Variants in METTL25B observed in about 807,000 individuals in gnomAD.
The protein encoded by METTL25B is methyltransferase-like protein 25B.
A neutral mutation model predicts 48.4 loss-of-function variants in METTL25B; 38 were observed. That is an observed-to-expected ratio of 0.78 (90% confidence interval 0.61 to 1.03). The LOEUF is 1.03. METTL25B is among the 50% of genes least tolerant of loss of function. The probability of loss-of-function intolerance (pLI) is 0.00; values close to 1 mark genes in which losing one functional copy is unlikely to be tolerated. For missense variants in METTL25B, 537 were observed against 603.7 expected, an observed-to-expected ratio of 0.89 and a Z score of 1.16; for synonymous variants, 230 against 254.5, an observed-to-expected ratio of 0.90 and a Z score of 0.92.
chr1:156,735,245 C>T (rs1299313370), intron 6 of METTL25B, among the ~76,000 whole-genome samples: 2 of 150,902 alleles, frequency 1.3e-5, no homozygotes, highest in Non-Finnish European at 2.9e-5. Flanking sequence ...ACTGAGATCG[C>T]GCCACTGTAC....
chr1:156,735,973 C>A, intron 7 of METTL25B, 64 bp downstream of exon 7: 1 of 1,407,826 alleles, frequency 7.1e-7, no homozygotes, highest in Non-Finnish European at 9.8e-7. Flanking sequence ...GCTCCTTCTC[C>A]AAGTCCCAGC....
rs1648958047 is a variant in METTL25B, at chr1:156,728,823, G to A, written c.-282G>A. 3 of 888,250 alleles carry A rather than the reference G, an allele frequency of 3.4e-6. No homozygotes were observed. Among genetic ancestry groups the A allele is most frequent in the Non-Finnish European group, 4.4e-6 (3 of 686,162 alleles). The allele number at this position is 888,250 out of a possible 1,614,324, so 55.0% of individuals were successfully genotyped here. On this transcript the variant is annotated 5_prime_UTR_variant, in exon 1 of 8. Coordinates refer to ENST00000368216, the MANE Select transcript of METTL25B (RefSeq NM_015997.4). ...GCCTCGTTGTGAGCTGAGCTCAGCG[G>A]CACGCTTTTGTGGCGTCACTGCACT...
chr1:156,729,652 C>T (rs1649081533), intron 1 of METTL25B: 1 of 160,872 alleles, frequency 6.2e-6, no homozygotes, highest in Non-Finnish European at 1.4e-5. Flanking sequence ...ACACGTTATT[C>T]ATCCAAGCTT....
rs1486055537 is a variant in METTL25B at position 156,734,494 on chromosome 1, G to A, written c.1121+1G>A. ...GGGTCCACGAGCTCAAGATTGAAGA[G>A]TGAGGTTGGGGGACGGGTGGGGGGC... On this transcript the variant is annotated splice_donor_variant, in intron 6 of 7. Coordinates refer to ENST00000368216, the MANE Select transcript of METTL25B (RefSeq NM_015997.4). LOFTEE classifies it high-confidence loss of function. 8.3e-6 allele frequency: 13 copies of A among 1,573,798 alleles called. No homozygotes were observed. Among genetic ancestry groups the A allele is most frequent in the Non-Finnish European group, 1.1e-5 (13 of 1,158,954 alleles).
intron 5 of METTL25B, chr1:156,733,795 T>A: frequency 1.5e-6 from 1 of 682,092 alleles, no homozygotes; most frequent in East Asian, 2.7e-5. Context: ...ATAAGAAAAC[T>A]GGGTCTCAGA....
At position 156,729,022 on chromosome 1, in the gene METTL25B, C is replaced by T. The variant is rs963123602; in HGVS notation, c.-83C>T. The T allele has an allele frequency of 2.8e-6, 2 of 720,358 alleles. No homozygotes were observed. The highest frequency in any genetic ancestry group is 4.5e-6 in the Non-Finnish European group (2 of 445,620). The allele number at this position is 720,358 out of a possible 1,614,324, so 44.6% of individuals were successfully genotyped here. The stretch of plus-strand genomic sequence containing the variant: ...TTCTGCCTGCAGAGTTGAGCCCCGT[C>T]CGGGTCCTGGACCCGCGTAGTACTG... On this transcript the variant is annotated 5_prime_UTR_variant, in exon 1 of 8. Transcript: ENST00000368216.
chr1:156,729,431 T>C (rs1649052473), intron 1 of METTL25B: 24 of 422,832 alleles, frequency 5.7e-5, no homozygotes, highest in Middle Eastern at 6.2e-4. Flanking sequence ...CTTTTTTTTT[T>C]TCTTTTTTTT....
rs1254664368 is a variant in METTL25B at position 156,735,587 on chromosome 1, T to TATATATATGC, written c.1122-138_1122-137insATATATATGC. On this transcript the variant is annotated intron_variant, in intron 6 of 7. Coordinates refer to ENST00000368216, the MANE Select transcript of METTL25B (RefSeq NM_015997.4). ...AAAAATATATATATATATATATATA[T>TATATATATGC]GCACATATGTTCATGAAAACGCATA... 1.6e-4 allele frequency: 9 copies of TATATATATGC among 57,550 alleles called. No homozygotes were observed. The African/African-American group carries it at 2.5e-3, about 16-fold the overall frequency. The allele number at this position is 57,550 out of a possible 1,614,324, so 3.6% of individuals were successfully genotyped here.
chr1:156,732,304 C>G lies in METTL25B; in HGVS notation c.260C>G (p.Thr87Ser). ...VVRYRSVWPL[T>S]LLALKSTACA... ...AGGTACAGGTCAGTGTGGCCACTCA[C>G]CCTGCTGGCCCTGAAGTCCACGGCG... is the stretch of plus-strand genomic sequence containing the variant. Residue 87 changes from threonine to serine, a missense_variant, in exon 3 of 8, where the codon ACC becomes AGC. Thr to Ser is a moderately conservative substitution (Grantham distance 58, BLOSUM62 1). Coordinates refer to ENST00000368216, the MANE Select transcript of METTL25B (RefSeq NM_015997.4). The G allele has an allele frequency of 6.2e-7, 1 of 1,614,232 alleles. No individual in the cohort carries two copies. The highest frequency in any genetic ancestry group is 8.5e-7 in the Non-Finnish European group (1 of 1,180,038).
intron 5 of METTL25B, 104 bp from the exon 6 acceptor site, chr1:156,733,905 C>T (rs1649497673): frequency 2.7e-6 from 4 of 1,467,360 alleles, no homozygotes; most frequent in Middle Eastern, 4.3e-4. Flanking sequence ...CCACATTCCT[C>T]CTTGGGGAAT....
chr1:156,734,534 T>C (rs1649577402), intron 6 of METTL25B, 41 bp downstream of exon 6: 14 of 1,476,516 alleles, frequency 9.5e-6, no homozygotes, highest in Non-Finnish European at 1.3e-5. Flanking sequence ...GAGAGGAGAT[T>C]TCTTTTTTTT....
chr1:156,732,719 T>C (rs1649401471), intron 3 of METTL25B, among the ~76,000 whole-genome samples: 1 of 152,144 alleles, frequency 6.6e-6, no homozygotes, highest in Non-Finnish European at 1.5e-5. Context: ...AATCTGCTCA[T>C]GGCTTCACGC....
At chr1:156,733,605 C>A (rs1649475142) in intron 5 of METTL25B, 85 bp downstream of exon 5, 1 of 1,435,642 alleles carries the variant, frequency 7.0e-7, no homozygotes, top group Middle Eastern at 2.5e-4. Context: ...TTACATCTTT[C>A]AAGTTTCTCA....
intron 7 of METTL25B, chr1:156,736,418 A>G (rs1649807679): frequency 3.7e-6 from 2 of 540,792 alleles, no homozygotes; most frequent in African/African-American, 3.8e-5. Flanking sequence ...GTGCATGTTA[A>G]GCAAGCTTCC....
intron 6 of METTL25B, among the ~76,000 whole-genome samples, chr1:156,735,357 G>T (rs1218724710): frequency 6.8e-6 from 1 of 148,066 alleles, no homozygotes; most frequent in Non-Finnish European, 1.5e-5. Context: ...GGCTGAAAAT[G>T]TTTAAATCAA....
At chr1:156,729,421 CTTTT>C in intron 1 of METTL25B, 1 of 322,586 alleles carries the variant, frequency 3.1e-6, no homozygotes, top group Non-Finnish European at 5.3e-6. Flanking sequence ...TTTTCTTTTT[CTTTT>C]TTTTTTTCTT....
Position 156,731,343 on chromosome 1 carries a change from C to T in METTL25B, c.112-648C>T, listed in dbSNP as rs546272080. Reference sequence around the variant, plus strand: ...TTCACCATATTGGCCAGGCTGGTCTCGAACTCCTGATCTCAGGTGATCTGC... The same window carrying T: ...TTCACCATATTGGCCAGGCTGGTCTTGAACTCCTGATCTCAGGTGATCTGC... On this transcript the variant is annotated intron_variant, in intron 1 of 7. Transcript: ENST00000368216. Among the ~76,000 whole-genome samples the T allele has an allele frequency of 2.4e-4, 37 of 152,274 alleles. No individual in the cohort carries two copies. The East Asian group carries it at 4.4e-3, about 18-fold the overall frequency.
In METTL25B at chr1:156,728,654, G is replaced by A; in HGVS notation, c.-451G>A. 2 of 986,022 alleles carry A rather than the reference G, an allele frequency of 2.0e-6. No individual in the cohort carries two copies. Among genetic ancestry groups the A allele is most frequent in the Non-Finnish European group, 2.4e-6 (2 of 830,170 alleles). The allele number at this position is 986,022 out of a possible 1,614,324, so 61.1% of individuals were successfully genotyped here. ...GGGGCGGGGGCGGGATGCGCTCCCCGGCCCCTCTAGCCCCGTGGTGGTACA... is the reference window on the plus strand; with the variant it reads ...GGGGCGGGGGCGGGATGCGCTCCCCAGCCCCTCTAGCCCCGTGGTGGTACA... On this transcript the variant is annotated 5_prime_UTR_variant, in exon 1 of 8. Coordinates refer to ENST00000368216, the MANE Select transcript of METTL25B (RefSeq NM_015997.4).
chr1:156,736,309 G>A (rs1025767028), intron 7 of METTL25B: 26 of 273,786 alleles, frequency 9.5e-5, no homozygotes, highest in Non-Finnish European at 1.6e-4. Context: ...GCAGTGAGCC[G>A]AGACTGCACC....
Sources: gnomAD v4.1 joint callset for allele counts (sites outside exome capture counted in the v4.1 genomes callset) on GRCh38, gnomAD v4.1.1 for gene constraint, MANE v1.5 for transcripts, NCBI Gene and HGNC (gene_info 2026-07-23, HGNC 2026-07-21) for gene names.